The following SMIM36 variants were observed in gnomAD, a reference collection of about 807,000 sequenced individuals.
SMIM36 encodes the protein small integral membrane protein 36.
chr17:55,525,330 T>C, the SMIM36 span, among the ~76,000 whole-genome samples: 1 of 152,226 alleles, frequency 6.6e-6, no homozygotes, highest in Admixed American at 6.5e-5. Context: ...AATTGATTGA[T>C]TGATTGCTGT....
intron 3 of SMIM36, among the ~76,000 whole-genome samples, chr17:55,469,905 C>G (rs927191392): frequency 1.3e-5 from 2 of 152,102 alleles, no homozygotes; most frequent in Non-Finnish European, 2.9e-5. Flanking sequence ...TCACTTGAAC[C>G]TGGGAGGCAG....
At chr17:55,457,021 C>T (rs1439170825) in intron 4 of SMIM36, among the ~76,000 whole-genome samples, 2 of 152,118 alleles carry the variant, frequency 1.3e-5, no homozygotes, top group African/African-American at 2.4e-5. Flanking sequence ...AATGGGTAAG[C>T]AGTTATAATG....
chr17:55,519,134 A>G, the SMIM36 span, among the ~76,000 whole-genome samples: 1 of 152,182 alleles, frequency 6.6e-6, no homozygotes. Flanking sequence ...ATCCTAGAGA[A>G]GTAGGGTAGG....
the SMIM36 span, among the ~76,000 whole-genome samples, chr17:55,519,906 A>C: frequency 3.9e-5 from 6 of 152,312 alleles, no homozygotes; most frequent in East Asian, 5.8e-4. Flanking sequence ...TGGGTATATA[A>C]ATTTTTTGTG....
the SMIM36 span, among the ~76,000 whole-genome samples, chr17:55,521,157 T>A: frequency 2.0e-5 from 3 of 152,030 alleles, no homozygotes; most frequent in African/African-American, 7.2e-5. Flanking sequence ...TGACCTAACA[T>A]CTCAGAATGT....
At chr17:55,475,729 C>T (rs1013333156) in intron 3 of SMIM36, among the ~76,000 whole-genome samples, 1 of 152,196 alleles carries the variant, frequency 6.6e-6, no homozygotes, top group African/African-American at 2.4e-5. Context: ...TGTCCTGGGT[C>T]CTCCCAATTC....
rs1248921926 is a variant in SMIM36, at chr17:55,504,043, C to T, written c.*174+6836G>A. Among the ~76,000 whole-genome samples the T allele has an allele frequency of 2.5e-3, 233 of 94,294 alleles. 2 individuals are homozygous for T. The highest frequency in any genetic ancestry group is 2.3e-3 in the Non-Finnish European group (122 of 52,490). The allele number at this position is 94,294 out of a possible 152,430, so 61.9% of individuals were successfully genotyped here. A position where few individuals can be genotyped will look rare whatever the true frequency, so the allele number is the denominator to read the frequency against. Reference sequence around the variant, plus strand: ...GAGCTAACTATCCTAAATATATATGCACCCAATACAGGAGCACCCAGATTC... The same window carrying T: ...GAGCTAACTATCCTAAATATATATGTACCCAATACAGGAGCACCCAGATTC... On this transcript the variant is annotated intron_variant, in intron 1 of 4. Transcript: ENST00000636752.
intron 1 of SMIM36, among the ~76,000 whole-genome samples, chr17:55,493,795 GCTCT>G (rs149775098): frequency 7.6e-5 from 8 of 104,892 alleles, no homozygotes; most frequent in Admixed American, 1.4e-4. Flanking sequence ...GGGCAGCAGA[GCTCT>G]CTCTCTCTCA....
chr17:55,482,978 T>C (rs181293912), intron 1 of SMIM36, among the ~76,000 whole-genome samples: 13 of 152,368 alleles, frequency 8.5e-5, no homozygotes, highest in African/African-American at 2.4e-4. Context: ...TTAACAAAAG[T>C]AGTCTAATAA....
At chr17:55,467,767 G>A (rs1293677556) in intron 3 of SMIM36, among the ~76,000 whole-genome samples, 1 of 152,182 alleles carries the variant, frequency 6.6e-6, no homozygotes, top group Non-Finnish European at 1.5e-5. Flanking sequence ...CTTTCCTGCT[G>A]GGCCATGTCA....
the SMIM36 span, among the ~76,000 whole-genome samples, chr17:55,530,652 G>A: frequency 4.6e-5 from 7 of 151,964 alleles, no homozygotes; most frequent in Admixed American, 2.0e-4. Flanking sequence ...GCATGGTGGC[G>A]GGCGCCTGTA....
chr17:55,511,332 C>A, exon 1 of SMIM36: 1 of 398,568 alleles, frequency 2.5e-6, no homozygotes, highest in South Asian at 1.3e-4. Flanking sequence ...AGTAGAATTC[C>A]ATCACTTCTC....
Position 55,495,774 on chromosome 17 carries a change from G to A in SMIM36, c.*174+15105C>T, listed in dbSNP as rs538846647. Reference sequence around the variant, plus strand: ...GTACCACTGCTTTCCAGCCTGGGCTGTAAGAGCAAGACCCTGTCTCAAATT... The same window carrying A: ...GTACCACTGCTTTCCAGCCTGGGCTATAAGAGCAAGACCCTGTCTCAAATT... On this transcript the variant is annotated intron_variant, in intron 1 of 4. Coordinates refer to ENST00000636752, the Ensembl canonical transcript of SMIM36. Among the ~76,000 whole-genome samples the A allele has an allele frequency of 3.0e-4, 46 of 152,242 alleles. 2 individuals carry two copies. The South Asian group carries it at 4.1e-3, about 14-fold the overall frequency.
intron 1 of SMIM36, among the ~76,000 whole-genome samples, chr17:55,508,740 T>A (rs912145430): frequency 6.6e-6 from 1 of 151,750 alleles, no homozygotes; most frequent in Non-Finnish European, 1.5e-5. Context: ...CTGGCTAACA[T>A]GGTGAAACCC....
At chr17:55,526,134 T>C in the SMIM36 span, among the ~76,000 whole-genome samples, 7 of 151,826 alleles carry the variant, frequency 4.6e-5, no homozygotes, top group Middle Eastern at 0.01. Flanking sequence ...AATACTACTA[T>C]TATTATTATT....
chr17:55,507,652 G>C (rs1041580144), intron 1 of SMIM36, among the ~76,000 whole-genome samples: 7 of 141,402 alleles, frequency 5.0e-5, no homozygotes, highest in East Asian at 2.1e-4. Flanking sequence ...TGGGTGCAGT[G>C]CACCAGCATG....
At chr17:55,501,274 ATATT>A (rs2144717580) in intron 1 of SMIM36, among the ~76,000 whole-genome samples, 1 of 34,632 alleles carries the variant, frequency 2.9e-5, no homozygotes, top group African/African-American at 1.6e-4. Context: ...ATAATATATT[ATATT>A]ATATATTATA....
chr17:55,511,637 G>A (rs1490504946), upstream of SMIM36, among the ~76,000 whole-genome samples: 2 of 152,174 alleles, frequency 1.3e-5, no homozygotes, highest in Non-Finnish European at 2.9e-5. Context: ...TATAAGTAGA[G>A]CATTCACATA....
upstream of SMIM36, among the ~76,000 whole-genome samples, chr17:55,511,656 T>A (rs1032977296): frequency 2.0e-5 from 3 of 152,132 alleles, no homozygotes; most frequent in African/African-American, 7.2e-5. Context: ...TAATTCAGCA[T>A]CCACACAGGC....
Sources: allele counts gnomAD v4.1 joint callset (sites outside exome capture counted in the v4.1 genomes callset), GRCh38; gene constraint gnomAD v4.1.1; transcripts MANE v1.5; gene names NCBI Gene and HGNC (gene_info 2026-07-23, HGNC 2026-07-21).